ST8SIA6: variants seen among roughly 807,000 people sequenced by gnomAD.
ST8SIA6 encodes the protein alpha-2,8-sialyltransferase 8F.
ST8SIA6 carries 39 observed loss-of-function variants against 33.6 expected under a neutral mutation model. That is an observed-to-expected ratio of 1.16 (90% CI 0.90 to 1.52). ST8SIA6 has a LOEUF of 1.52. Ranked by LOEUF, ST8SIA6 falls within the 40% of genes most tolerant of loss-of-function variation. ST8SIA6 has a pLI of 0.00. For synonymous variants in ST8SIA6, 172 were observed against 167.2 expected (o/e 1.03, Z -0.22); for missense variants, 441 against 443.8 (o/e 0.99, Z 0.06).
In ST8SIA6 at chr10:17,420,072, T is replaced by A. The variant is rs375906368; in HGVS notation, c.201-29452A>T. ...TGATAACCATGATATAGTTAACTTT[T>A]AAAAAAAATTATTACCTCAAAGTCT... On this transcript the variant is annotated intron_variant, in intron 2 of 7. Coordinates refer to ENST00000377602, the MANE Select transcript of ST8SIA6 (RefSeq NM_001004470.3). Among the ~76,000 whole-genome samples, 13 of 152,288 alleles carry A rather than the reference T, an allele frequency of 8.5e-5. No individual in the cohort carries two copies. The South Asian group carries it at 1.5e-3, about 17-fold the overall frequency.
chr10:17,327,471 G>T (rs541175268), intron 5 of ST8SIA6, among the ~76,000 whole-genome samples: 1 of 152,012 alleles, frequency 6.6e-6, no homozygotes, highest in East Asian at 1.9e-4. Context: ...CCTGTAATCC[G>T]AGCTACTCGA....
Position 17,338,276 on chromosome 10 carries a change from G to A in ST8SIA6, c.378-6724C>T, listed in dbSNP as rs537429902. On this transcript the variant is annotated intron_variant, in intron 4 of 7. Coordinates refer to ENST00000377602, the MANE Select transcript of ST8SIA6 (RefSeq NM_001004470.3). ...CTTGAACTCCCGACCTCAGTGATCC[G>A]CTCGCCTCGGCCTCCCAAAGTGTTG... Among the ~76,000 whole-genome samples the A allele has an allele frequency of 1.2e-4, 19 of 152,224 alleles. 1 individual carries two copies. The South Asian group carries it at 1.5e-3, about 12-fold the overall frequency.
At chr10:17,387,282 G>A (rs985169191) in intron 3 of ST8SIA6, among the ~76,000 whole-genome samples, 1 of 150,192 alleles carries the variant, frequency 6.7e-6, no homozygotes, top group Non-Finnish European at 1.5e-5. Flanking sequence ...ACGGAGTTTC[G>A]CTCTCGTCAC....
intron 7 of ST8SIA6, 93 bp downstream of exon 7, chr10:17,322,972 C>G: frequency 8.8e-7 from 1 of 1,133,406 alleles, no homozygotes; most frequent in South Asian, 1.6e-5. Flanking sequence ...TACTGCAAGT[C>G]AGTCTCAGCA....
intron 3 of ST8SIA6, among the ~76,000 whole-genome samples, chr10:17,389,213 C>G (rs1339981785): frequency 6.6e-6 from 1 of 152,194 alleles, no homozygotes. Context: ...ATCCAACGCT[C>G]AGGGAGACTG....
At chr10:17,417,524 A>G (rs1489355166) in intron 2 of ST8SIA6, among the ~76,000 whole-genome samples, 1 of 148,604 alleles carries the variant, frequency 6.7e-6, no homozygotes, top group Non-Finnish European at 1.5e-5. Context: ...CGCCATCAGC[A>G]TTTATTTCGA....
chr10:17,368,970 A>G (rs1424841327), intron 3 of ST8SIA6, among the ~76,000 whole-genome samples: 2 of 152,210 alleles, frequency 1.3e-5, no homozygotes, highest in African/African-American at 4.8e-5. Context: ...GGCATCACAT[A>G]GGATAGGCTT....
chr10:17,353,338 CT>C (rs771515802), intron 4 of ST8SIA6, among the ~76,000 whole-genome samples: 3 of 152,130 alleles, frequency 2.0e-5, no homozygotes, highest in Non-Finnish European at 2.9e-5. Context: ...TATCCCATCT[CT>C]TTTCATAGTT....
intron 3 of ST8SIA6, among the ~76,000 whole-genome samples, chr10:17,365,006 C>T (rs1849513700): frequency 1.3e-5 from 2 of 152,156 alleles, no homozygotes; most frequent in Non-Finnish European, 2.9e-5. Flanking sequence ...TCTTTTGATT[C>T]ACATTCTGGC....
chr10:17,336,970 C>T (rs1848518855), intron 4 of ST8SIA6, among the ~76,000 whole-genome samples: 1 of 152,114 alleles, frequency 6.6e-6, no homozygotes, highest in East Asian at 1.9e-4. Context: ...TACCATATGA[C>T]ATGGTTTGGG....
At chr10:17,420,511 C>T (rs570154114) in intron 2 of ST8SIA6, among the ~76,000 whole-genome samples, 1 of 152,138 alleles carries the variant, frequency 6.6e-6, no homozygotes, top group African/African-American at 2.4e-5. Context: ...TGTGATCATA[C>T]CCAAAAACTC....
At chr10:17,394,721 A>G (rs1166125498) in intron 2 of ST8SIA6, among the ~76,000 whole-genome samples, 1 of 152,188 alleles carries the variant, frequency 6.6e-6, no homozygotes, top group Non-Finnish European at 1.5e-5. Flanking sequence ...GGGATAAGAG[A>G]GGACACTAGC....
At chr10:17,378,677 A>G (rs892449926) in intron 3 of ST8SIA6, among the ~76,000 whole-genome samples, 3 of 152,166 alleles carry the variant, frequency 2.0e-5, no homozygotes, top group Non-Finnish European at 2.9e-5. Context: ...TGCATCTCCA[A>G]TGCGTGAACT....
At chr10:17,362,092 A>G (rs1234818638) in intron 3 of ST8SIA6, among the ~76,000 whole-genome samples, 1 of 152,200 alleles carries the variant, frequency 6.6e-6, no homozygotes, top group Non-Finnish European at 1.5e-5. Flanking sequence ...CCCTAAAATC[A>G]GGAAAAAGAC....
chr10:17,441,713 T>G (rs1320672024), intron 2 of ST8SIA6, among the ~76,000 whole-genome samples: 3 of 152,104 alleles, frequency 2.0e-5, no homozygotes, highest in Non-Finnish European at 2.9e-5. Flanking sequence ...CCCTCTAAAT[T>G]TGTTAATTAA....
At chr10:17,431,454 A>AGG (rs45551632) in intron 2 of ST8SIA6, among the ~76,000 whole-genome samples, 2 of 151,850 alleles carry the variant, frequency 1.3e-5, no homozygotes, top group Admixed American at 6.6e-5. Flanking sequence ...TTTCGTTTTA[A>AGG]GGGGGGGGAA....
At chr10:17,390,400 G>C in intron 3 of ST8SIA6, 131 bp downstream of exon 3, 1 of 728,884 alleles carries the variant, frequency 1.4e-6, no homozygotes, top group African/African-American at 1.8e-5. Context: ...ATTAACAGGA[G>C]CTTCAGAGCC....
At chr10:17,429,664 G>T (rs1179376776) in intron 2 of ST8SIA6, among the ~76,000 whole-genome samples, 1 of 151,334 alleles carries the variant, frequency 6.6e-6, no homozygotes, top group Non-Finnish European at 1.5e-5. Context: ...TTTGTATCTT[G>T]TGTAGAGATG....
chr10:17,343,069 T>C (rs962852154), intron 4 of ST8SIA6, among the ~76,000 whole-genome samples: 3 of 152,156 alleles, frequency 2.0e-5, no homozygotes, highest in Admixed American at 1.3e-4. Context: ...TTCGCAAATA[T>C]TCATCAAGGG....
Sources: gnomAD v4.1 joint callset for allele counts (sites outside exome capture counted in the v4.1 genomes callset) on GRCh38, gnomAD v4.1.1 for gene constraint, MANE v1.5 for transcripts, NCBI Gene and HGNC (gene_info 2026-07-23, HGNC 2026-07-21) for gene names.